ARHGAP9: variants seen among roughly 807,000 people sequenced by gnomAD.
ARHGAP9 encodes Rho GTPase activating protein 9.
In ARHGAP9, 76 loss-of-function variants were observed where a neutral mutation model predicts 87.3. The observed-to-expected ratio is 0.87, with a 90% CI of 0.72 to 1.05. The LOEUF (loss-of-function observed/expected upper bound fraction) is 1.05. ARHGAP9 is among the 50% of genes least tolerant of loss of function. ARHGAP9 has a pLI of 0.00. For missense variants in ARHGAP9, 941 were observed against 960.5 expected (o/e 0.98, Z 0.27); for synonymous variants, 382 against 394.9 (o/e 0.97, Z 0.39).
At position 57,477,204 on chromosome 12, in the gene ARHGAP9, T is replaced by C; in HGVS notation, c.822A>G (p.Ala274=). ...KRNNDVLQPQ[A]KGFRSDTGTP... ...TCCCTGTGTCAGATCTGAAGCCCTT[T>C]GCCTGAGGTTGCAGGACATCATTGT... The change falls in exon 5 of 18, where the codon GCA becomes GCG. Residue 274 remains alanine, a synonymous_variant. Coordinates refer to ENST00000393791, the MANE Select transcript of ARHGAP9 (RefSeq NM_032496.4). 6.2e-7 allele frequency: 1 copy of C among 1,609,178 alleles called. No individual in the cohort carries two copies. Among genetic ancestry groups the C allele is most frequent in the Non-Finnish European group, 8.5e-7 (1 of 1,177,372 alleles).
intron 1 of ARHGAP9, chr12:57,488,514 C>T: frequency 1.3e-6 from 2 of 1,488,138 alleles, no homozygotes; most frequent in Non-Finnish European, 9.2e-7. Context: ...CCCCTCTGCT[C>T]TTTAGTTACT....
chr12:57,479,101 G>C lies in ARHGAP9; in HGVS notation c.306C>G (p.Leu102=), dbSNP rs1874672716. 1.2e-6 allele frequency: 2 copies of C among 1,614,074 alleles called. No homozygotes were observed. Among genetic ancestry groups the C allele is most frequent in the Non-Finnish European group, 1.7e-6 (2 of 1,180,024 alleles). The change falls in exon 2 of 18, where the codon CTC becomes CTG. Residue 102 remains leucine (L), a synonymous_variant. Transcript: ENST00000393791. ...TTAGCGCTTACTCACCAGGAGTCCA[G>C]AGCAATTGGCCGGGGATGACGGTAG... is the stretch of plus-strand genomic sequence containing the variant. ...SPTTVIPGQL[L]WTPGPKLFHG...
At chr12:57,487,877 G>T in intron 1 of ARHGAP9, 1 of 401,806 alleles carries the variant, frequency 2.5e-6, no homozygotes, top group East Asian at 4.2e-5. Flanking sequence ...AAAAAAAAGT[G>T]CAGTCTAGCC....
chr12:57,480,666 G>A (rs1041779872), upstream of ARHGAP9: 6 of 979,506 alleles, frequency 6.1e-6, no homozygotes, highest in Non-Finnish European at 9.5e-6. Context: ...AATGCAAGAC[G>A]CTATGACAGG....
intron 3 of ARHGAP9, 133 bp from the exon 4 acceptor site, chr12:57,477,813 G>C (rs1460968336): frequency 6.6e-7 from 1 of 1,511,202 alleles, no homozygotes; most frequent in East Asian, 2.5e-5. Flanking sequence ...GTGACCCAGG[G>C]TACTGGGGGA....
At chr12:57,475,423 C>T (rs1260444640) in intron 11 of ARHGAP9, 25 bp from the exon 12 acceptor site, 3 of 1,579,126 alleles carry the variant, frequency 1.9e-6, no homozygotes, top group East Asian at 4.6e-5. Context: ...TAGAGCGGGG[C>T]GTGAGCGCCC....
chr12:57,488,340 C>G, intron 1 of ARHGAP9: 4 of 796,600 alleles, frequency 5.0e-6, no homozygotes, highest in Non-Finnish European at 2.0e-6. Context: ...TTGATCACTC[C>G]ACGCCTTCTT....
At chr12:57,488,141 C>G in intron 1 of ARHGAP9, 2 of 1,614,152 alleles carry the variant, frequency 1.2e-6, no homozygotes, top group South Asian at 1.1e-5. Flanking sequence ...CGGTGCTGGC[C>G]GCCGCCGGGA....
chr12:57,474,211 G>T, intron 15 of ARHGAP9, 35 bp from the exon 16 acceptor site: 1 of 1,598,564 alleles, frequency 6.3e-7, no homozygotes, highest in African/African-American at 1.3e-5. Context: ...GCTCATGAAG[G>T]GCCAGAAAGA....
chr12:57,476,773 A>C, intron 6 of ARHGAP9, 98 bp downstream of exon 6: 1 of 1,285,072 alleles, frequency 7.8e-7, no homozygotes, highest in African/African-American at 1.6e-5. Flanking sequence ...GCTGGGTAGG[A>C]GGATATTCAG....
At chr12:57,472,803 A>G in intron 17 of ARHGAP9, 115 bp from the exon 18 acceptor site, 6 of 1,134,028 alleles carry the variant, frequency 5.3e-6, no homozygotes, top group Non-Finnish European at 6.4e-6. Context: ...ATTCCTCCAC[A>G]TGGTAACAAA....
intron 17 of ARHGAP9, 25 bp from the exon 18 acceptor site, chr12:57,472,713 G>A (rs1872232640): frequency 6.2e-7 from 1 of 1,613,248 alleles, no homozygotes; most frequent in Non-Finnish European, 8.5e-7. Flanking sequence ...CAAGGAAGGG[G>A]ATATATGGCA....
At chr12:57,486,889 GA>G (rs71084758) in intron 1 of ARHGAP9, among the ~76,000 whole-genome samples, 26,126 of 139,002 alleles carry the variant, frequency 0.19, 2,676 homozygotes, top group East Asian at 0.35. Context: ...CCGTCTCAAA[GA>G]AAAAAAAAAA....
chr12:57,474,214 C>A, intron 15 of ARHGAP9, 38 bp from the exon 16 acceptor site: 1 of 1,598,240 alleles, frequency 6.3e-7, no homozygotes, highest in Non-Finnish European at 8.5e-7. Context: ...CATGAAGGGC[C>A]AGAAAGATTT....
At chr12:57,479,600 G>A in intron 1 of ARHGAP9, 130 bp downstream of exon 1, 1 of 1,533,702 alleles carries the variant, frequency 6.5e-7, no homozygotes, top group Non-Finnish European at 8.8e-7. Context: ...TGGGGGCTGA[G>A]AACTCCTGGT....
In ARHGAP9 at chr12:57,477,858, T is replaced by C. The variant is rs1874370064; in HGVS notation, c.535-178A>G. The C allele has an allele frequency of 4.2e-6, 6 of 1,431,092 alleles. No homozygotes were observed. In the South Asian group the frequency reaches 8.3e-5, roughly 20 times the overall value. 88.6% of individuals were successfully genotyped at this position (1,431,092 alleles called of 1,614,324 possible). On this transcript the variant is annotated intron_variant, in intron 3 of 17. Coordinates refer to ENST00000393791, the MANE Select transcript of ARHGAP9 (RefSeq NM_032496.4). ...GGCCCCAGCTGCTTTTTAAAAATTC[T>C]CTCTCTCACAGTTTTCTTTGCTCTT...
At chr12:57,473,909 G>T in intron 16 of ARHGAP9, 133 bp downstream of exon 16, 2 of 1,385,352 alleles carry the variant, frequency 1.4e-6, no homozygotes, top group South Asian at 1.5e-5. Context: ...AACTGGAGTA[G>T]GCACCTGAGT....
At chr12:57,487,796 C>T in intron 1 of ARHGAP9, 1 of 398,012 alleles carries the variant, frequency 2.5e-6, no homozygotes, top group Non-Finnish European at 4.6e-6. Flanking sequence ...TTGCAGCGAG[C>T]CAAGACCGTG....
rs1873038734 is a variant in ARHGAP9 at position 57,474,985 on chromosome 12, G to A, written c.1553-12C>T. The A allele has an allele frequency of 6.2e-7, 1 of 1,612,340 alleles. No homozygotes were observed. Among genetic ancestry groups the A allele is most frequent in the African/African-American group, 1.3e-5 (1 of 74,922 alleles). On this transcript the variant is annotated splice_polypyrimidine_tract_variant and intron_variant, in intron 12 of 17. Transcript: ENST00000393791. ...GCCGAACACCTGGTCTGGGGAAGTA[G>A]AGTGAGGCGGGAAGCCAGTGCCAGC...
Sources: gnomAD v4.1 joint callset for allele counts (sites outside exome capture counted in the v4.1 genomes callset) on GRCh38, gnomAD v4.1.1 for gene constraint, MANE v1.5 for transcripts, NCBI Gene and HGNC (gene_info 2026-07-23, HGNC 2026-07-21) for gene names.